The following LTBP1 variants were observed in gnomAD, a reference collection of about 807,000 sequenced individuals.
LTBP1 encodes the protein latent transforming growth factor beta binding protein 1, also known as latent-transforming growth factor beta-binding protein 1.
A neutral mutation model predicts 207.6 loss-of-function variants in LTBP1; 129 were observed. The observed-to-expected ratio is 0.62, with a 90% CI of 0.54 to 0.72. The LOEUF is 0.72. Ranked by LOEUF, LTBP1 falls within the 30% of genes least tolerant of loss-of-function variation. LTBP1 has a pLI of 0.00. For missense variants in LTBP1, 2,281 were observed against 2,217.2 expected (o/e 1.03, Z -0.58); for synonymous variants, 963 against 833.7 (o/e 1.16, Z -2.67).
intron 2 of LTBP1, among the ~76,000 whole-genome samples, chr2:32,974,420 T>A (rs1461166015): frequency 6.6e-6 from 1 of 152,206 alleles, no homozygotes. Context: ...TTTGCCCATT[T>A]TCGATGGGAT....
intron 15 of LTBP1, among the ~76,000 whole-genome samples, chr2:33,271,245 T>C (rs2093314509): frequency 6.6e-6 from 1 of 152,198 alleles, no homozygotes; most frequent in Non-Finnish European, 1.5e-5. Flanking sequence ...CCCAGATTTA[T>C]AGCCTCTTAA....
At chr2:33,327,230 A>G (rs902671121) in intron 24 of LTBP1, among the ~76,000 whole-genome samples, 18 of 152,182 alleles carry the variant, frequency 1.2e-4, no homozygotes, top group African/African-American at 4.3e-4. Context: ...ACAGTAAACT[A>G]TGACCTATCT....
chr2:33,070,675 G>C (rs2077743746), intron 3 of LTBP1, among the ~76,000 whole-genome samples: 1 of 152,302 alleles, frequency 6.6e-6, no homozygotes, highest in African/African-American at 2.4e-5. Flanking sequence ...TATGGGAGAG[G>C]CATGTTCTAA....
chr2:33,140,956 G>A (rs943828639), intron 5 of LTBP1, among the ~76,000 whole-genome samples: 2 of 152,182 alleles, frequency 1.3e-5, no homozygotes, highest in Non-Finnish European at 2.9e-5. Context: ...AAGCCACCAC[G>A]CCCGGTCTTT....
At chr2:33,210,749 G>A (rs890440758) in intron 7 of LTBP1, among the ~76,000 whole-genome samples, 6 of 152,102 alleles carry the variant, frequency 3.9e-5, no homozygotes, top group South Asian at 2.1e-4. Flanking sequence ...ACCCTCCTCC[G>A]TTGCCACTGG....
intron 2 of LTBP1, among the ~76,000 whole-genome samples, chr2:33,017,019 AAAAT>A (rs1179545579): frequency 1.3e-5 from 2 of 152,232 alleles, no homozygotes; most frequent in African/African-American, 4.8e-5. Context: ...TATGTCTCAA[AAAAT>A]AAATAAATAA....
At chr2:33,180,327 T>C (rs1321979178) in intron 5 of LTBP1, among the ~76,000 whole-genome samples, 1 of 152,224 alleles carries the variant, frequency 6.6e-6, no homozygotes, top group African/African-American at 2.4e-5. Context: ...GCCTTCCTGG[T>C]TCCTCTGTTC....
intron 25 of LTBP1, among the ~76,000 whole-genome samples, chr2:33,346,962 A>G (rs989975977): frequency 1.3e-5 from 2 of 151,840 alleles, no homozygotes; most frequent in African/African-American, 4.8e-5. Context: ...TTAAAATACA[A>G]AACAAATTAG....
chr2:33,179,835 A>G (rs1483613979), intron 5 of LTBP1, among the ~76,000 whole-genome samples: 7 of 152,004 alleles, frequency 4.6e-5, no homozygotes, highest in Non-Finnish European at 7.4e-5. Flanking sequence ...CTAAGTTTTA[A>G]TCTATCATTT....
chr2:33,168,399 C>CAAAAAAAAAAAAAA (rs10616798), intron 5 of LTBP1, among the ~76,000 whole-genome samples: 1 of 103,814 alleles, frequency 9.6e-6, no homozygotes, highest in Non-Finnish European at 2.0e-5. Context: ...GTCTTTGTCT[C>CAAAAAAAAAAAAAA]AAAAAAAAAA....
chr2:33,337,753 T>C (rs2094569576), intron 24 of LTBP1, among the ~76,000 whole-genome samples: 1 of 152,202 alleles, frequency 6.6e-6, no homozygotes, highest in African/African-American at 2.4e-5. Flanking sequence ...GAATCACCCT[T>C]CATTAAGTGA....
intron 2 of LTBP1, among the ~76,000 whole-genome samples, chr2:33,006,701 A>G (rs1466720313): frequency 2.0e-5 from 3 of 151,340 alleles, no homozygotes; most frequent in Non-Finnish European, 4.4e-5. Context: ...CCTACTGAAC[A>G]TTTTTAAATT....
chr2:33,200,206 C>T lies in LTBP1; in HGVS notation c.1701+11355C>T, dbSNP rs568830281. ...CAAAAGAACAAAGCTGGAGGCATCA[C>T]GCTACCTGACTTCAAACTATACTAC... On this transcript the variant is annotated intron_variant, in intron 7 of 33. Coordinates refer to ENST00000404816, the MANE Select transcript of LTBP1 (RefSeq NM_206943.4). Among the ~76,000 whole-genome samples, 1,320 of 152,238 alleles carry T rather than the reference C, an allele frequency of 8.7e-3. 19 individuals are homozygous for T. The highest frequency in any genetic ancestry group is 0.037 in the Middle Eastern group (11 of 294).
At chr2:33,207,419 A>G (rs1327196938) in intron 7 of LTBP1, among the ~76,000 whole-genome samples, 2 of 152,196 alleles carry the variant, frequency 1.3e-5, no homozygotes, top group Non-Finnish European at 2.9e-5. Context: ...AATAGCCTGA[A>G]ATATCAGAGG....
intron 2 of LTBP1, among the ~76,000 whole-genome samples, chr2:32,949,324 T>A (rs1676755624): frequency 6.6e-6 from 1 of 152,250 alleles, no homozygotes; most frequent in Non-Finnish European, 1.5e-5. Context: ...TTTACGGTGA[T>A]GGCAGGAGGG....
intron 16 of LTBP1, 68 bp downstream of exon 16, chr2:33,273,849 T>C: frequency 7.2e-7 from 1 of 1,386,616 alleles, no homozygotes; most frequent in Non-Finnish European, 9.6e-7. Context: ...CATTTTTTTC[T>C]TAAACCAACT....
chr2:33,166,882 G>T (rs2084965222), intron 5 of LTBP1, among the ~76,000 whole-genome samples: 1 of 152,178 alleles, frequency 6.6e-6, no homozygotes, highest in Non-Finnish European at 1.5e-5. Flanking sequence ...TCTGCTGTGT[G>T]ATTTTAAGCA....
At chr2:33,254,787 C>G (rs2092788972) in intron 11 of LTBP1, among the ~76,000 whole-genome samples, 1 of 114,684 alleles carries the variant, frequency 8.7e-6, no homozygotes, top group Non-Finnish European at 1.7e-5. Flanking sequence ...GTGATGTTCC[C>G]CTTCCTGTGT....
chr2:33,110,520 T>G (rs1030417580), intron 3 of LTBP1, 62 bp from the exon 4 acceptor site: 1 of 1,476,130 alleles, frequency 6.8e-7, no homozygotes, highest in South Asian at 1.2e-5. Flanking sequence ...TACCCTTTCC[T>G]TATTAGCTGA....
Sources: gnomAD v4.1 joint callset for allele counts (sites outside exome capture counted in the v4.1 genomes callset) on GRCh38, gnomAD v4.1.1 for gene constraint, MANE v1.5 for transcripts, NCBI Gene and HGNC (gene_info 2026-07-23, HGNC 2026-07-21) for gene names.